The following TAS2R1 variants were observed in gnomAD, a reference collection of about 807,000 sequenced individuals.
TAS2R1 encodes the protein taste 2 receptor member 1.
For synonymous variants in TAS2R1, 141 were observed against 134.2 expected, an observed-to-expected ratio of 1.05 and a Z score of -0.35; for missense variants, 370 against 353.4, an observed-to-expected ratio of 1.05 and a Z score of -0.38.
At chr5:9,824,209 T>C in the TAS2R1 span, among the ~76,000 whole-genome samples, 1 of 152,296 alleles carries the variant, frequency 6.6e-6, no homozygotes, top group African/African-American at 2.4e-5. Context: ...GCCACACCTA[T>C]AAAACTGACA....
chr5:9,853,497 C>A, the TAS2R1 span, among the ~76,000 whole-genome samples: 17 of 152,314 alleles, frequency 1.1e-4, no homozygotes, highest in Non-Finnish European at 8.8e-5. Flanking sequence ...CAGGTGGTAA[C>A]TTCCAGGTGT....
At chr5:9,697,479 C>T (rs1175272146) in intron 1 of TAS2R1, among the ~76,000 whole-genome samples, 4 of 151,976 alleles carry the variant, frequency 2.6e-5, no homozygotes, top group African/African-American at 9.7e-5. Context: ...ACAAATACAA[C>T]ACAGAATAAA....
At chr5:9,716,899 C>T (rs1342489316), upstream of TAS2R1, among the ~76,000 whole-genome samples, 12 of 152,172 alleles carry the variant, frequency 7.9e-5, no homozygotes, top group South Asian at 1.9e-3. Flanking sequence ...GCCATACGAT[C>T]GATACGGAAG....
intron 1 of TAS2R1, among the ~76,000 whole-genome samples, chr5:9,673,651 A>G (rs1740814217): frequency 6.6e-6 from 1 of 152,010 alleles, no homozygotes; most frequent in Admixed American, 6.6e-5. Context: ...CTGAAAAAAA[A>G]AACAGAATTT....
the TAS2R1 span, among the ~76,000 whole-genome samples, chr5:9,751,086 T>A: frequency 6.6e-6 from 1 of 151,330 alleles, no homozygotes; most frequent in Non-Finnish European, 1.5e-5. Flanking sequence ...TTTGGCCACA[T>A]CTTTTAGTCT....
the TAS2R1 span, among the ~76,000 whole-genome samples, chr5:9,879,772 G>A: frequency 6.6e-6 from 1 of 152,164 alleles, no homozygotes; most frequent in Non-Finnish European, 1.5e-5. Context: ...TGAGAGGTAC[G>A]ATCAAATTGT....
chr5:9,766,174 G>T, the TAS2R1 span, among the ~76,000 whole-genome samples: 1 of 152,228 alleles, frequency 6.6e-6, no homozygotes, highest in African/African-American at 2.4e-5. Flanking sequence ...CAATATAATG[G>T]AATATTTAAA....
chr5:9,783,802 A>G, the TAS2R1 span, among the ~76,000 whole-genome samples: 1 of 152,232 alleles, frequency 6.6e-6, no homozygotes, highest in African/African-American at 2.4e-5. Flanking sequence ...ATACATGCTC[A>G]TATCTTGGAA....
chr5:9,875,511 C>T, the TAS2R1 span, among the ~76,000 whole-genome samples: 1 of 152,288 alleles, frequency 6.6e-6, no homozygotes, highest in Non-Finnish European at 1.5e-5. Flanking sequence ...GTGAAACAGC[C>T]ATGCGGATCT....
upstream of TAS2R1, among the ~76,000 whole-genome samples, chr5:9,630,596 A>G (rs1236889465): frequency 2.0e-5 from 3 of 152,236 alleles, no homozygotes; most frequent in Non-Finnish European, 4.4e-5. Flanking sequence ...ATAGAATAAA[A>G]TATACATAAT....
chr5:9,723,000 C>T, the TAS2R1 span, among the ~76,000 whole-genome samples: 1 of 152,192 alleles, frequency 6.6e-6, no homozygotes, highest in African/African-American at 2.4e-5. Flanking sequence ...GTGCCTAATT[C>T]TTGAGTGGGC....
the TAS2R1 span, among the ~76,000 whole-genome samples, chr5:9,799,593 C>T: frequency 2.0e-4 from 30 of 152,146 alleles, no homozygotes; most frequent in African/African-American, 6.3e-4. Flanking sequence ...CCCACCATAC[C>T]GTTTCACTGA....
the TAS2R1 span, among the ~76,000 whole-genome samples, chr5:9,766,815 A>G: frequency 2.0e-5 from 3 of 152,188 alleles, no homozygotes; most frequent in Non-Finnish European, 4.4e-5. Context: ...GTTAAAGCAT[A>G]CAGAGAGGGA....
At chr5:9,650,521 G>A (rs1262481555) in intron 2 of TAS2R1, among the ~76,000 whole-genome samples, 1 of 152,092 alleles carries the variant, frequency 6.6e-6, no homozygotes, top group East Asian at 1.9e-4. Context: ...ATTATGTTGG[G>A]CTTTGTTGGA....
the TAS2R1 span, among the ~76,000 whole-genome samples, chr5:9,860,626 C>T: frequency 6.6e-6 from 1 of 152,124 alleles, no homozygotes; most frequent in Non-Finnish European, 1.5e-5. Flanking sequence ...TAGGAAAAGC[C>T]TTCAGCCTGG....
chr5:9,891,009 C>T, the TAS2R1 span, among the ~76,000 whole-genome samples: 1 of 152,116 alleles, frequency 6.6e-6, no homozygotes, highest in Non-Finnish European at 1.5e-5. Context: ...CGGTAGGTGC[C>T]CATGGCCTTT....
At chr5:9,692,825 C>T (rs1205990206) in intron 1 of TAS2R1, among the ~76,000 whole-genome samples, 1 of 152,150 alleles carries the variant, frequency 6.6e-6, no homozygotes, top group Non-Finnish European at 1.5e-5. Flanking sequence ...AGATAAGCCT[C>T]GTCCTGGCCA....
At chr5:9,831,302 A>T in the TAS2R1 span, among the ~76,000 whole-genome samples, 1 of 152,310 alleles carries the variant, frequency 6.6e-6, no homozygotes, top group East Asian at 1.9e-4. Context: ...TACTGATAAT[A>T]TAGAGCAAAG....
chr5:9,820,891 C>G, the TAS2R1 span, among the ~76,000 whole-genome samples: 12 of 152,186 alleles, frequency 7.9e-5, no homozygotes, highest in Non-Finnish European at 1.8e-4. Flanking sequence ...TGAACAGAGT[C>G]GATTTTCCCA....
Sources: allele counts gnomAD v4.1 joint callset (sites outside exome capture counted in the v4.1 genomes callset), GRCh38; gene constraint gnomAD v4.1.1; transcripts MANE v1.5; gene names NCBI Gene and HGNC (gene_info 2026-07-23, HGNC 2026-07-21).